The following PDXDC1 variants were observed in gnomAD, a reference collection of about 807,000 sequenced individuals.
PDXDC1 encodes the protein pyridoxal dependent decarboxylase domain containing 1.
In PDXDC1, 42 loss-of-function variants were observed where a neutral mutation model predicts 100.1. That is an observed-to-expected ratio of 0.42 (90% CI 0.33 to 0.54). The LOEUF is 0.54. Among genes scored for constraint, PDXDC1 ranks in the 20% least tolerant of loss-of-function variants. The pLI, the probability that PDXDC1 is intolerant of heterozygous loss-of-function variation, is 0.10. For synonymous variants in PDXDC1, 260 were observed against 371.7 expected (o/e 0.70, Z 3.46); for missense variants, 636 against 979.2 (o/e 0.65, Z 4.68).
intron 16 of PDXDC1, among the ~76,000 whole-genome samples, chr16:15,102,640 G>A (rs79988278): frequency 1.1e-4 from 17 of 149,572 alleles, no homozygotes; most frequent in Admixed American, 2.0e-4. Context: ...CCCAAGACGG[G>A]GATTTTCAGG....
intron 16 of PDXDC1, chr16:15,133,409 G>T: frequency 9.3e-7 from 1 of 1,076,066 alleles, no homozygotes; most frequent in Non-Finnish European, 1.4e-6. Context: ...CTCTGGGAGG[G>T]TGATGGCCAG....
At chr16:14,982,634 A>G (rs1373247540) in intron 1 of PDXDC1, among the ~76,000 whole-genome samples, 2 of 152,294 alleles carry the variant, frequency 1.3e-5, no homozygotes, top group Admixed American at 1.3e-4. Flanking sequence ...AATACTTACA[A>G]ATGTAGAAAC....
At position 15,125,610 on chromosome 16, in the gene PDXDC1, G is replaced by A. The variant is rs556985135; in HGVS notation, c.1400-13269G>A. On this transcript the variant is annotated intron_variant, in intron 16 of 16. Coordinates refer to the PDXDC1 transcript ENST00000535621. ...CCTGTCCAGCAAAGGCCTGCTGAGA[G>A]GTGCACAGTGTCTGGAGTCCAAGCT... is the stretch of plus-strand genomic sequence containing the variant. 99 of 1,202,026 alleles carry A rather than the reference G, an allele frequency of 8.2e-5. No individual in the cohort carries two copies. In the African/African-American group the frequency reaches 1.3e-3, roughly 16 times the overall value. 74.5% of individuals were successfully genotyped at this position (1,202,026 alleles called of 1,614,324 possible). A position where few individuals can be genotyped will look rare whatever the true frequency, so the allele number is the denominator to read the frequency against.
chr16:15,147,488 G>T, the PDXDC1 span, among the ~76,000 whole-genome samples: 42 of 152,312 alleles, frequency 2.8e-4, no homozygotes, highest in East Asian at 7.5e-3. Context: ...TCAGCGCAGG[G>T]CCCGGCGTGG....
chr16:15,092,558 G>C, intron 16 of PDXDC1: 1 of 1,613,652 alleles, frequency 6.2e-7, no homozygotes, highest in Non-Finnish European at 8.5e-7. Context: ...AAACCGAACA[G>C]TTTTTCTTGG....
At chr16:15,046,697 CAAAAAAAAAAAAAA>C (rs9331444) in intron 16 of PDXDC1, among the ~76,000 whole-genome samples, 2 of 43,620 alleles carry the variant, frequency 4.6e-5, no homozygotes, top group African/African-American at 9.6e-5. Context: ...CTGTCTCTAC[CAAAAAAAAAAAAAA>C]AAAAAAAAAA....
At chr16:15,025,236 A>G (rs1324245645) in intron 13 of PDXDC1, 1 of 152,386 alleles carries the variant, frequency 6.6e-6, no homozygotes, top group Non-Finnish European at 1.5e-5. Flanking sequence ...ACACACATTG[A>G]CATTTGAGAC....
intron 1 of PDXDC1, among the ~76,000 whole-genome samples, chr16:14,981,532 A>C (rs1459492483): frequency 2.6e-5 from 4 of 152,408 alleles, no homozygotes; most frequent in Non-Finnish European, 5.9e-5. Context: ...CCAGGTAAAC[A>C]GTAAAGTTTT....
At position 14,977,653 on chromosome 16, in the gene PDXDC1, G is replaced by T. The variant is rs554302504; in HGVS notation, c.21+2433G>T. 4.6e-5 allele frequency among the ~76,000 whole-genome samples: 7 copies of T among 152,402 alleles called. No individual in the cohort carries two copies. In the South Asian group the frequency reaches 1.4e-3, roughly 32 times the overall value. On this transcript the variant is annotated intron_variant, in intron 1 of 22. Transcript: ENST00000396410. Reference sequence around the variant, plus strand: ...AACGATTTATATTGGTGCTAATTGGGCAGAAAAGAAAAAGCATTGCTGTAA... The same window carrying T: ...AACGATTTATATTGGTGCTAATTGGTCAGAAAAGAAAAAGCATTGCTGTAA...
chr16:15,024,809 C>G (rs2042464284), intron 13 of PDXDC1, among the ~76,000 whole-genome samples: 1 of 152,298 alleles, frequency 6.6e-6, no homozygotes, highest in Admixed American at 6.5e-5. Context: ...ACCCTAAGAT[C>G]ATCTCCCACC....
rs1447987576 is a variant in PDXDC1 at position 15,100,742 on chromosome 16, G to A, written c.1400-38137G>A. On this transcript the variant is annotated intron_variant, in intron 16 of 16. Transcript: ENST00000535621. ...ACCTGTGGTCCCAGCTATATGGGAG[G>A]GTGAGGCAGGAGAATTGCTTGAGCC... Among the ~76,000 whole-genome samples, 9 of 152,272 alleles carry A rather than the reference G, an allele frequency of 5.9e-5. No individual in the cohort carries two copies. The East Asian group carries it at 1.5e-3, about 26-fold the overall frequency.
intron 16 of PDXDC1, among the ~76,000 whole-genome samples, chr16:15,111,131 C>T (rs1347351113): frequency 7.5e-6 from 1 of 132,778 alleles, no homozygotes; most frequent in East Asian, 2.0e-4. Flanking sequence ...CTGTCACACA[C>T]ACACACACAC....
chr16:15,029,034 G>T (rs1327343904), intron 15 of PDXDC1, 68 bp downstream of exon 15: 4 of 1,537,264 alleles, frequency 2.6e-6, no homozygotes, highest in Non-Finnish European at 3.5e-6. Flanking sequence ...TGCTGGTGAG[G>T]GTGACGCGTG....
At chr16:15,080,854 T>C (rs538419531) in intron 16 of PDXDC1, among the ~76,000 whole-genome samples, 2 of 151,696 alleles carry the variant, frequency 1.3e-5, no homozygotes, top group South Asian at 4.2e-4. Flanking sequence ...ATAAATGGAG[T>C]CATATAATAC....
At chr16:15,032,196 C>T (rs771771716) in intron 17 of PDXDC1, 1 of 425,672 alleles carries the variant, frequency 2.3e-6, no homozygotes, top group Non-Finnish European at 4.3e-6. Context: ...AGAATGGTTA[C>T]TATCCAGGGC....
intron 21 of PDXDC1, 41 bp downstream of exon 21, chr16:15,034,594 G>GAA: frequency 6.7e-7 from 1 of 1,491,354 alleles, no homozygotes; most frequent in Non-Finnish European, 9.3e-7. Flanking sequence ...GCTGACCTTG[G>GAA]GAGGTTTCAC....
intron 16 of PDXDC1, chr16:15,047,859 G>A: frequency 6.2e-7 from 1 of 1,611,326 alleles, no homozygotes; most frequent in Non-Finnish European, 8.5e-7. Context: ...TCATACCTGT[G>A]TGCCTCAGGA....
chr16:14,997,614 T>G (rs1972264659), intron 1 of PDXDC1, 139 bp from the exon 2 acceptor site: 11 of 976,480 alleles, frequency 1.1e-5, no homozygotes, highest in Admixed American at 2.9e-5. Context: ...GTTATACTTT[T>G]GTACTATTGC....
intron 16 of PDXDC1, among the ~76,000 whole-genome samples, chr16:15,112,062 C>T (rs2047089373): frequency 6.8e-6 from 1 of 147,698 alleles, no homozygotes; most frequent in Admixed American, 6.7e-5. Context: ...TTACGCAAAA[C>T]ATTCTCACTA....
Sources: gnomAD v4.1 joint callset for allele counts (sites outside exome capture counted in the v4.1 genomes callset) on GRCh38, gnomAD v4.1.1 for gene constraint, MANE v1.5 for transcripts, NCBI Gene and HGNC (gene_info 2026-07-23, HGNC 2026-07-21) for gene names.